GTF2A1L: variants seen among roughly 807,000 people sequenced by gnomAD.
GTF2A1L encodes the protein general transcription factor IIA subunit 1 like.
Under a neutral mutation model 49.7 loss-of-function variants are expected in GTF2A1L, and 48 were observed. The ratio of observed to expected loss-of-function variants is 0.97; its 90% CI spans 0.77 to 1.23. The LOEUF (loss-of-function observed/expected upper bound fraction) is 1.23, where lower values mean the gene tolerates loss of function less well. Among genes scored for constraint, GTF2A1L ranks in the 50% most tolerant of loss-of-function variants. GTF2A1L has a pLI of 0.00. For missense variants in GTF2A1L, 736 were observed against 564.8 expected (o/e 1.30, Z -3.07); for synonymous variants, 246 against 193.5 (o/e 1.27, Z -2.25).
At chr2:48,626,159 T>G (rs2104085600) in intron 3 of GTF2A1L, among the ~76,000 whole-genome samples, 1 of 144,346 alleles carries the variant, frequency 6.9e-6, no homozygotes, top group Middle Eastern at 3.5e-3. Context: ...CTTAGCACCC[T>G]TGTTGAAAAT....
intron 1 of GTF2A1L, 85 bp downstream of exon 1, chr2:48,617,980 C>G (rs190911328): frequency 1.5e-6 from 2 of 1,335,518 alleles, no homozygotes; most frequent in Admixed American, 2.1e-5. Flanking sequence ...TTTTGTTTCC[C>G]CCTGACACTT....
intron 6 of GTF2A1L, among the ~76,000 whole-genome samples, chr2:48,653,576 A>C (rs943162725): frequency 1.3e-5 from 2 of 152,228 alleles, no homozygotes; most frequent in Admixed American, 6.5e-5. Context: ...AGTATATTCC[A>C]TTGTATGGTT....
rs1675750511 is a variant in GTF2A1L, at chr2:48,617,905, A to C, written c.21+10A>C. 6.4e-7 allele frequency: 1 copy of C among 1,551,564 alleles called. No homozygotes were observed. The highest frequency in any genetic ancestry group is 2.0e-5 in the Admixed American group (1 of 50,980). ...CTGCCTCAACCCGGTGGTAAGGAAG[A>C]CCTCAGGCTCTGTGTAGAGGGAGCG... On this transcript the variant is annotated intron_variant, in intron 1 of 8. Coordinates refer to ENST00000403751, the MANE Select transcript of GTF2A1L (RefSeq NM_006872.5).
At chr2:48,623,935 A>C (rs1447272020) in intron 3 of GTF2A1L, among the ~76,000 whole-genome samples, 1 of 152,236 alleles carries the variant, frequency 6.6e-6, no homozygotes, top group East Asian at 1.9e-4. Flanking sequence ...GCAAGGGTTG[A>C]AAAACTACCC....
intron 3 of GTF2A1L, among the ~76,000 whole-genome samples, chr2:48,631,948 TC>T (rs1676601998): frequency 6.6e-6 from 1 of 152,232 alleles, no homozygotes; most frequent in African/African-American, 2.4e-5. Context: ...TTTTAAAATT[TC>T]CATGTAATTG....
At chr2:48,652,612 C>G (rs761291516) in intron 6 of GTF2A1L, among the ~76,000 whole-genome samples, 1 of 151,544 alleles carries the variant, frequency 6.6e-6, no homozygotes, top group African/African-American at 2.4e-5. Flanking sequence ...GAGACCCCAT[C>G]TCAAAAACAA....
intron 8 of GTF2A1L, 85 bp downstream of exon 8, chr2:48,671,765 G>GA (rs1679183064): frequency 7.8e-7 from 1 of 1,281,936 alleles, no homozygotes; most frequent in African/African-American, 1.5e-5. Flanking sequence ...ATAAGATGAA[G>GA]AGTTACACTT....
At chr2:48,638,342 A>G (rs1677017291) in intron 3 of GTF2A1L, among the ~76,000 whole-genome samples, 1 of 152,208 alleles carries the variant, frequency 6.6e-6, no homozygotes, top group African/African-American at 2.4e-5. Flanking sequence ...ATACTTGTAA[A>G]CCGAATTTAG....
intron 8 of GTF2A1L, among the ~76,000 whole-genome samples, chr2:48,677,703 A>G (rs1524152): frequency 0.85 from 129,025 of 151,882 alleles, 55,581 homozygotes; most frequent in East Asian, 1. Flanking sequence ...TTATGAGGCT[A>G]TTGTATTGAC....
intron 6 of GTF2A1L, among the ~76,000 whole-genome samples, chr2:48,665,858 T>C (rs1678813306): frequency 6.6e-6 from 1 of 152,168 alleles, no homozygotes; most frequent in East Asian, 1.9e-4. Flanking sequence ...ATATCTTTAC[T>C]GAATTTCAGT....
Position 48,645,073 on chromosome 2 carries a change from A to T in GTF2A1L, c.344A>T (p.Tyr115Phe). The T allele has an allele frequency of 6.2e-7, 1 of 1,612,966 alleles. No individual in the cohort carries two copies. Among genetic ancestry groups the T allele is most frequent in the Non-Finnish European group, 8.5e-7 (1 of 1,179,590 alleles). The change falls in exon 5 of 9, where the codon TAT becomes TTT. Residue 115 changes from tyrosine to phenylalanine, a missense_variant. Transcript: ENST00000403751. Reference sequence around the variant, plus strand: ...AGTGCAAACTTTACTTTTCCTGGTTATCCCATTCATGTACCAGCAGGTGTG... The same window carrying T: ...AGTGCAAACTTTACTTTTCCTGGTTTTCCCATTCATGTACCAGCAGGTGTG... ...NSSANFTFPG[Y>F]PIHVPAGVTL... is the part of the protein sequence containing the mutation.
At chr2:48,657,205 G>A (rs1453984866) in intron 6 of GTF2A1L, among the ~76,000 whole-genome samples, 1 of 152,136 alleles carries the variant, frequency 6.6e-6, no homozygotes, top group African/African-American at 2.4e-5. Flanking sequence ...CTGTCATCCA[G>A]GAACTATGCA....
intron 3 of GTF2A1L, among the ~76,000 whole-genome samples, chr2:48,640,564 G>A (rs916998236): frequency 6.6e-6 from 1 of 152,102 alleles, no homozygotes; most frequent in African/African-American, 2.4e-5. Flanking sequence ...GAGTAGAAAA[G>A]ATAACTACTA....
At position 48,627,430 on chromosome 2, in the gene GTF2A1L, C is replaced by A. The variant is rs569808118; in HGVS notation, c.247+6140C>A. 3.4e-4 allele frequency among the ~76,000 whole-genome samples: 49 copies of A among 143,986 alleles called. 8 individuals carry two copies. Among genetic ancestry groups the A allele is most frequent in the Non-Finnish European group, 6.4e-4 (41 of 63,888 alleles). The allele number at this position is 143,986 out of a possible 152,430, so 94.5% of individuals were successfully genotyped here. On this transcript the variant is annotated intron_variant, in intron 3 of 8. Coordinates refer to ENST00000403751, the MANE Select transcript of GTF2A1L (RefSeq NM_006872.5). ...TTGGAAAAATTGGTTTCCTGTCATA[C>A]AGTTGAAACGTTGTTCATTATACAA...
intron 6 of GTF2A1L, among the ~76,000 whole-genome samples, chr2:48,656,122 G>T (rs1274631076): frequency 6.6e-6 from 1 of 152,078 alleles, no homozygotes; most frequent in African/African-American, 2.4e-5. Flanking sequence ...TGGCTATTGT[G>T]AATAATGCTG....
At chr2:48,627,666 A>G (rs1558703251) in intron 3 of GTF2A1L, among the ~76,000 whole-genome samples, 1 of 144,364 alleles carries the variant, frequency 6.9e-6, no homozygotes, top group African/African-American at 2.5e-5. Flanking sequence ...AGTTGCTGTC[A>G]GATATTCTTT....
At chr2:48,673,523 C>G (rs541101595) in intron 8 of GTF2A1L, among the ~76,000 whole-genome samples, 3 of 151,780 alleles carry the variant, frequency 2.0e-5, no homozygotes, top group Admixed American at 6.6e-5. Flanking sequence ...CCACCACGCC[C>G]GGATAATTTT....
At chr2:48,636,970 T>C (rs932899458) in intron 3 of GTF2A1L, among the ~76,000 whole-genome samples, 4 of 152,160 alleles carry the variant, frequency 2.6e-5, no homozygotes, top group African/African-American at 9.7e-5. Context: ...ACAGGGACAC[T>C]GAGAGGTTTG....
chr2:48,661,450 C>T (rs988350004), intron 6 of GTF2A1L, among the ~76,000 whole-genome samples: 4 of 151,406 alleles, frequency 2.6e-5, no homozygotes, highest in African/African-American at 9.7e-5. Context: ...GACGGGGTTT[C>T]ACCATATTGG....
Sources: allele counts gnomAD v4.1 joint callset (sites outside exome capture counted in the v4.1 genomes callset), GRCh38; gene constraint gnomAD v4.1.1; transcripts MANE v1.5; gene names NCBI Gene and HGNC (gene_info 2026-07-23, HGNC 2026-07-21).